TLE4: variants seen among roughly 807,000 people sequenced by gnomAD.
The protein encoded by TLE4 is transducin-like enhancer protein 4.
TLE4 carries 8 observed loss-of-function variants against 92.8 expected under a neutral mutation model. The ratio of observed to expected loss-of-function variants is 0.09; its 90% CI spans 0.05 to 0.16. TLE4 has a LOEUF of 0.16. Ranked by LOEUF, TLE4 falls within the 10% of genes least tolerant of loss-of-function variation. The pLI, the probability that TLE4 is intolerant of heterozygous loss-of-function variation, is 1.00. For synonymous variants in TLE4, 371 were observed against 374.1 expected, an observed-to-expected ratio of 0.99 and a Z score of 0.10; for missense variants, 675 against 997.6, an observed-to-expected ratio of 0.68 and a Z score of 4.36.
intron 8 of TLE4, among the ~76,000 whole-genome samples, chr9:79,689,661 T>G (rs2135491814): frequency 6.6e-6 from 1 of 152,314 alleles, no homozygotes; most frequent in Non-Finnish European, 1.5e-5. Context: ...TGAAATGTAG[T>G]TCATCCTGAC....
intron 6 of TLE4, among the ~76,000 whole-genome samples, chr9:79,632,186 G>C (rs1185040761): frequency 6.6e-6 from 1 of 152,148 alleles, no homozygotes; most frequent in Non-Finnish European, 1.5e-5. Context: ...AGCCTGGAAA[G>C]TGCAGGAATT....
At chr9:79,664,078 G>T (rs2134556475) in intron 8 of TLE4, among the ~76,000 whole-genome samples, 1 of 152,308 alleles carries the variant, frequency 6.6e-6, no homozygotes, top group East Asian at 1.9e-4. Context: ...GCACTGATTG[G>T]ACCACTCGGG....
At chr9:79,592,274 T>G (rs1322324142) in intron 4 of TLE4, among the ~76,000 whole-genome samples, 9 of 143,304 alleles carry the variant, frequency 6.3e-5, no homozygotes, top group South Asian at 2.1e-4. Flanking sequence ...TTCTTCTTCT[T>G]CTTTTTTTTT....
At chr9:79,667,084 C>G (rs116357081) in intron 8 of TLE4, among the ~76,000 whole-genome samples, 1,585 of 152,322 alleles carry the variant, frequency 0.01, 28 homozygotes, top group African/African-American at 0.035. Context: ...CATCGAACCC[C>G]TACAGCTGCG....
intron 8 of TLE4, among the ~76,000 whole-genome samples, chr9:79,686,609 G>A (rs1026449675): frequency 5.9e-5 from 9 of 152,200 alleles, no homozygotes; most frequent in Non-Finnish European, 1.3e-4. Context: ...AAAGAGGAAA[G>A]ACTGGAGTTG....
rs1441211074 is a variant in TLE4, at chr9:79,709,639, A to C, written c.1280A>C (p.His427Pro). ...GRSPVVGFDP[H>P]HHMRVPAIPP... ...AAATTCTAGGTGGGATTTGATCCAC[A>C]CCATCACATGCGTGTGCCAGCAATA... The change falls in exon 14 of 20, where the codon CAC becomes CCC. Residue 427 changes from histidine to proline, a missense_variant. By Grantham distance (77) the His-to-Pro change is moderately conservative. Around this residue, in one of 5 missense-constraint regions of TLE4, gnomAD observed 119 missense variants for 175.9 expected, o/e 0.68. Coordinates refer to ENST00000376552, the MANE Select transcript of TLE4 (RefSeq NM_007005.6). 1 of 1,614,108 alleles carries C rather than the reference A, an allele frequency of 6.2e-7. No individual in the cohort carries two copies. The highest frequency in any genetic ancestry group is 8.5e-7 in the Non-Finnish European group (1 of 1,179,990).
Position 79,704,804 on chromosome 9 carries a change from G to T in TLE4, c.631G>T (p.Ala211Ser), listed in dbSNP as rs1386222753. The stretch of plus-strand genomic sequence containing the variant: ...CCAGAGCTCTTCAGTATCCCCATCA[G>T]CCAGTTTCCGAGGTGCTGAGAAGCA... ...SIKSSSVSPS[A>S]SFRGAEKHRN... The change falls in exon 9 of 20, where the codon GCC becomes TCC. Residue 211 changes from alanine to serine, a missense_variant. Around this residue, in one of 5 missense-constraint regions of TLE4, gnomAD observed 280 missense variants for 287.3 expected, o/e 0.97. Coordinates refer to ENST00000376552, the MANE Select transcript of TLE4 (RefSeq NM_007005.6). 6.2e-7 allele frequency: 1 copy of T among 1,614,074 alleles called. No individual in the cohort carries two copies. The highest frequency in any genetic ancestry group is 1.7e-5 in the Admixed American group (1 of 60,012).
At chr9:79,656,030 G>A (rs2059729001) in intron 8 of TLE4, among the ~76,000 whole-genome samples, 1 of 152,218 alleles carries the variant, frequency 6.6e-6, no homozygotes, top group South Asian at 2.1e-4. Context: ...AAGAAAGGCT[G>A]ATGATTTTGC....
chr9:79,701,316 A>G (rs994820303), intron 8 of TLE4, among the ~76,000 whole-genome samples: 3 of 152,222 alleles, frequency 2.0e-5, no homozygotes, highest in African/African-American at 7.2e-5. Flanking sequence ...TCTACAGTCA[A>G]CTTCAAAAAT....
chr9:79,649,765 T>C, intron 6 of TLE4: 2 of 1,331,336 alleles, frequency 1.5e-6, no homozygotes, highest in Non-Finnish European at 2.0e-6. Context: ...TTTCTGCCTT[T>C]GAAAAGTTCT....
At chr9:79,661,497 C>T (rs1302366283) in intron 8 of TLE4, among the ~76,000 whole-genome samples, 1 of 152,132 alleles carries the variant, frequency 6.6e-6, no homozygotes, top group Non-Finnish European at 1.5e-5. Flanking sequence ...TGGCAACTGC[C>T]TTGTGAAAGG....
rs754729059 is a variant in TLE4 at position 79,574,953 on chromosome 9, A to G, written c.207+17A>G. 22 of 1,610,786 alleles carry G rather than the reference A, an allele frequency of 1.4e-5. No homozygotes were observed. The highest frequency in any genetic ancestry group is 1.7e-5 in the Non-Finnish European group (20 of 1,177,310). ...TATGTCATGGTAAGAAAACCATGTC[A>G]CAGATTCAAAGTGCCTATTAGTTTG... On this transcript the variant is annotated intron_variant, in intron 3 of 19. Coordinates refer to ENST00000376552, the MANE Select transcript of TLE4 (RefSeq NM_007005.6).
intron 6 of TLE4, among the ~76,000 whole-genome samples, chr9:79,647,070 C>T (rs892531757): frequency 5.9e-5 from 9 of 152,064 alleles, no homozygotes; most frequent in African/African-American, 1.9e-4. Flanking sequence ...CTAAATGCAA[C>T]GTTGTATGCT....
At chr9:79,627,033 A>G (rs2052795817) in intron 5 of TLE4, among the ~76,000 whole-genome samples, 1 of 152,208 alleles carries the variant, frequency 6.6e-6, no homozygotes, top group African/African-American at 2.4e-5. Flanking sequence ...CAAAGAAAGC[A>G]AGTGGGATGG....
chr9:79,661,537 G>A (rs556542301), intron 8 of TLE4, among the ~76,000 whole-genome samples: 2 of 152,324 alleles, frequency 1.3e-5, no homozygotes, highest in African/African-American at 4.8e-5. Context: ...TCATGAGAGA[G>A]TAATAGAAAG....
intron 8 of TLE4, among the ~76,000 whole-genome samples, chr9:79,678,221 G>A (rs1006389288): frequency 6.6e-6 from 1 of 152,060 alleles, no homozygotes; most frequent in Admixed American, 6.6e-5. Flanking sequence ...GAATCTGCCT[G>A]TTCAATAATT....
chr9:79,688,461 G>A (rs2066357192), intron 8 of TLE4, among the ~76,000 whole-genome samples: 1 of 152,092 alleles, frequency 6.6e-6, no homozygotes, highest in Non-Finnish European at 1.5e-5. Context: ...GTTGCTGTCA[G>A]TGCAGTTGGA....
intron 15 of TLE4, 108 bp downstream of exon 15, chr9:79,719,079 G>T: frequency 6.8e-7 from 1 of 1,462,462 alleles, no homozygotes; most frequent in Non-Finnish European, 9.1e-7. Context: ...ATCCCAGGTG[G>T]ATAGTTGCTC....
At chr9:79,646,235 G>A (rs2058086573) in intron 6 of TLE4, among the ~76,000 whole-genome samples, 1 of 152,122 alleles carries the variant, frequency 6.6e-6, no homozygotes, top group Admixed American at 6.5e-5. Context: ...GTAAGATAAA[G>A]TAGAATATCT....
Sources: allele counts gnomAD v4.1 joint callset (sites outside exome capture counted in the v4.1 genomes callset), GRCh38; gene constraint gnomAD v4.1.1; regional missense constraint gnomAD v4.1.1; transcripts MANE v1.5; gene names NCBI Gene and HGNC (gene_info 2026-07-23, HGNC 2026-07-21).